Variants in EIF2B3 observed in about 807,000 individuals in gnomAD.
The protein encoded by EIF2B3 is eukaryotic translation initiation factor 2B subunit gamma.
Under a neutral mutation model 54.1 loss-of-function variants are expected in EIF2B3, and 20 were observed. The observed-to-expected ratio is 0.37, with a 90% confidence interval of 0.26 to 0.54. The LOEUF (loss-of-function observed/expected upper bound fraction) is 0.54, where lower values mean the gene tolerates loss of function less well. Among genes scored for constraint, EIF2B3 ranks in the 20% least tolerant of loss-of-function variants. EIF2B3 has a pLI of 0.86. For synonymous variants in EIF2B3, 153 were observed against 188.1 expected, an observed-to-expected ratio of 0.81 and a Z score of 1.52; for missense variants, 448 against 547.8, an observed-to-expected ratio of 0.82 and a Z score of 1.82.
chr1:44,853,668 T>A (rs1393656376), intron 11 of EIF2B3, among the ~76,000 whole-genome samples: 1 of 151,994 alleles, frequency 6.6e-6, no homozygotes, highest in Non-Finnish European at 1.5e-5. Flanking sequence ...TAGGGTCCAG[T>A]AAATACACTG....
At chr1:44,926,605 G>A in intron 5 of EIF2B3, 23 bp downstream of exon 5, 1 of 1,596,446 alleles carries the variant, frequency 6.3e-7, no homozygotes, top group South Asian at 1.1e-5. Context: ...AGAATTGCCA[G>A]AAGAAAAAAC....
At chr1:44,867,867 T>TAA (rs768045271) in intron 10 of EIF2B3, among the ~76,000 whole-genome samples, 38 of 99,474 alleles carry the variant, frequency 3.8e-4, no homozygotes, top group Admixed American at 6.4e-4. Flanking sequence ...ATTCTGTCTC[T>TAA]AAAAAAAAAA....
intron 4 of EIF2B3, 147 bp from the exon 5 acceptor site, chr1:44,926,886 A>AAGTCTTGG: frequency 1.4e-6 from 1 of 728,278 alleles, no homozygotes; most frequent in Non-Finnish European, 2.3e-6. Flanking sequence ...TGTAATCCCA[A>AAGTCTTGG]GACTTTGGGA....
At chr1:44,976,052 T>C (rs1260328367) in intron 3 of EIF2B3, among the ~76,000 whole-genome samples, 4 of 152,144 alleles carry the variant, frequency 2.6e-5, no homozygotes, top group African/African-American at 9.7e-5. Flanking sequence ...AAAGGTCAGA[T>C]GGGCAGAGAT....
In EIF2B3 at chr1:44,978,469, C is replaced by T; in HGVS notation, c.149-9G>A. ...TGTAACCACAATGACTTCTATAGGA[C>T]AAAAGAAAAAAAGAAAGAAAAACAA... On this transcript the variant is annotated splice_polypyrimidine_tract_variant and intron_variant, in intron 2 of 11. Transcript: ENST00000360403. The T allele has an allele frequency of 2.5e-6, 4 of 1,608,470 alleles. No homozygotes were observed. The highest frequency in any genetic ancestry group is 3.4e-6 in the Non-Finnish European group (4 of 1,179,008).
At chr1:44,949,463 T>A (rs917940096) in intron 3 of EIF2B3, among the ~76,000 whole-genome samples, 2 of 152,202 alleles carry the variant, frequency 1.3e-5, no homozygotes, top group Non-Finnish European at 2.9e-5. Flanking sequence ...CATGAGTAAA[T>A]GTTAGTACTT....
chr1:44,905,735 T>C (rs1281927529), intron 5 of EIF2B3, among the ~76,000 whole-genome samples: 2 of 152,206 alleles, frequency 1.3e-5, no homozygotes, highest in Non-Finnish European at 2.9e-5. Flanking sequence ...GGATTGTTGA[T>C]ATTAATTACA....
chr1:44,913,101 GTT>G (rs1225658226), intron 5 of EIF2B3, among the ~76,000 whole-genome samples: 4 of 118,228 alleles, frequency 3.4e-5, no homozygotes, highest in Non-Finnish European at 6.6e-5. Flanking sequence ...AGCAATTGCG[GTT>G]TTTGTTAAAA....
At chr1:44,942,410 TATATA>T (rs1644041307) in intron 3 of EIF2B3, among the ~76,000 whole-genome samples, 8 of 20,342 alleles carry the variant, frequency 3.9e-4, no homozygotes, top group Admixed American at 6.2e-4. Flanking sequence ...TATATATATA[TATATA>T]TATTTTTTTT....
chr1:44,851,754 T>C (rs1279939833), intron 11 of EIF2B3, among the ~76,000 whole-genome samples: 1 of 152,164 alleles, frequency 6.6e-6, no homozygotes, highest in Non-Finnish European at 1.5e-5. Context: ...ATATATAATA[T>C]GGAAATAATG....
intron 6 of EIF2B3, among the ~76,000 whole-genome samples, chr1:44,895,592 C>T (rs540886256): frequency 2.4e-4 from 37 of 151,658 alleles, no homozygotes; most frequent in South Asian, 1.2e-3. Flanking sequence ...ATCCTGGAAG[C>T]GTCCTTATAT....
intron 3 of EIF2B3, chr1:44,969,872 AGAAT>A (rs1190040814): frequency 6.6e-6 from 1 of 152,236 alleles, no homozygotes; most frequent in African/African-American, 2.4e-5. Flanking sequence ...GACATAGATA[AGAAT>A]GAATGATTTA....
Position 44,981,008 on chromosome 1 carries a change from T to C in EIF2B3, c.148+13A>G. On this transcript the variant is annotated intron_variant, in intron 2 of 11. Transcript: ENST00000360403. ...AGTTTTATGAGTTCACAGCTCACTT[T>C]GTCATAGCTCACCTTCAAATCCAAC... The C allele has an allele frequency of 6.2e-7, 1 of 1,613,888 alleles. No individual in the cohort carries two copies.
At chr1:44,867,910 C>T (rs1048736464) in intron 10 of EIF2B3, among the ~76,000 whole-genome samples, 3 of 150,802 alleles carry the variant, frequency 2.0e-5, no homozygotes, top group East Asian at 1.9e-4. Flanking sequence ...TAGTGGCACA[C>T]GCCCATAGTC....
At chr1:44,873,229 T>C (rs1230410418) in intron 10 of EIF2B3, among the ~76,000 whole-genome samples, 1 of 152,214 alleles carries the variant, frequency 6.6e-6, no homozygotes. Flanking sequence ...TCTGAAGATT[T>C]TGTTATGAAA....
At chr1:44,932,120 C>T (rs1345011167) in intron 4 of EIF2B3, among the ~76,000 whole-genome samples, 1 of 147,456 alleles carries the variant, frequency 6.8e-6, no homozygotes, top group East Asian at 1.9e-4. Flanking sequence ...AAAACGAACA[C>T]ACACACACAC....
chr1:44,917,737 T>G, intron 5 of EIF2B3, among the ~76,000 whole-genome samples: 1 of 150,118 alleles, frequency 6.7e-6, no homozygotes, highest in Non-Finnish European at 1.5e-5. Flanking sequence ...TAGTATTTAT[T>G]TTGCCACCAA....
intron 1 of EIF2B3, 114 bp from the exon 2 acceptor site, chr1:44,981,291 A>G (rs1439633273): frequency 4.7e-6 from 5 of 1,074,594 alleles, no homozygotes; most frequent in African/African-American, 1.6e-5. Flanking sequence ...TGTCAAATGC[A>G]TAATTCCTAA....
chr1:44,917,221 C>T (rs984071661), intron 5 of EIF2B3, among the ~76,000 whole-genome samples: 6 of 152,028 alleles, frequency 3.9e-5, no homozygotes, highest in South Asian at 2.1e-4. Context: ...GTGCCAGGTG[C>T]GGTGGCTCAC....
Sources: allele counts gnomAD v4.1 joint callset (sites outside exome capture counted in the v4.1 genomes callset), GRCh38; gene constraint gnomAD v4.1.1; transcripts MANE v1.5; gene names NCBI Gene and HGNC (gene_info 2026-07-23, HGNC 2026-07-21).